CSMD1: variants seen among roughly 807,000 people sequenced by gnomAD.
The protein encoded by CSMD1 is CUB and Sushi multiple domains 1, also known as CUB and sushi domain-containing protein 1.
CSMD1 carries 213 observed loss-of-function variants against 417.5 expected under a neutral mutation model. That is an observed-to-expected ratio of 0.51 (90% CI 0.46 to 0.57). The LOEUF (loss-of-function observed/expected upper bound fraction) is 0.57, where lower values mean the gene tolerates loss of function less well. Among genes scored for constraint, CSMD1 ranks in the 20% least tolerant of loss-of-function variants. CSMD1 has a pLI of 0.00. For synonymous variants in CSMD1, 2,862 were observed against 1,736.8 expected, an observed-to-expected ratio of 1.65 and a Z score of -16.11; for missense variants, 6,923 against 4,529.7, an observed-to-expected ratio of 1.53 and a Z score of -15.17.
intron 7 of CSMD1, among the ~76,000 whole-genome samples, chr8:3,624,443 A>G (rs927373917): frequency 6.6e-6 from 1 of 152,250 alleles, no homozygotes; most frequent in African/African-American, 2.4e-5. Flanking sequence ...CCATTTAGAT[A>G]AACTCACACT....
At chr8:3,553,657 T>G (rs1394981093) in intron 10 of CSMD1, among the ~76,000 whole-genome samples, 1 of 152,188 alleles carries the variant, frequency 6.6e-6, no homozygotes, top group Non-Finnish European at 1.5e-5. Flanking sequence ...AACTTGACTC[T>G]TTGTTAACTT....
chr8:4,422,751 G>C (rs1191200001), intron 2 of CSMD1, among the ~76,000 whole-genome samples: 2 of 152,026 alleles, frequency 1.3e-5, no homozygotes, highest in African/African-American at 4.8e-5. Flanking sequence ...ATAAAATAAT[G>C]TCTCTCATGC....
chr8:4,098,371 T>A (rs994729309), intron 3 of CSMD1, among the ~76,000 whole-genome samples: 1 of 151,636 alleles, frequency 6.6e-6, no homozygotes, highest in Non-Finnish European at 1.5e-5. Flanking sequence ...CTATTTTTTT[T>A]CTACAAAATT....
Position 3,052,743 on chromosome 8 carries a change from T to C in CSMD1, c.7475-96A>G, listed in dbSNP as rs1055323096. 5 of 832,886 alleles carry C rather than the reference T, an allele frequency of 6.0e-6. No individual in the cohort carries two copies. In the African/African-American group the frequency reaches 7.2e-5, roughly 12 times the overall value. The allele number at this position is 832,886 out of a possible 1,614,324, so 51.6% of individuals were successfully genotyped here. ...TGATTAATCATTATTATTGACTCCA[T>C]TTTTCATTAAAATTGTGAATTATAT... On this transcript the variant is annotated intron_variant, in intron 49 of 69. Transcript: ENST00000635120.
intron 8 of CSMD1, among the ~76,000 whole-genome samples, chr8:3,613,453 G>C (rs750125784): frequency 6.6e-6 from 1 of 151,628 alleles, no homozygotes; most frequent in Non-Finnish European, 1.5e-5. Context: ...GTCTTTATAA[G>C]AAAAGTCTAC....
At chr8:3,970,320 A>T (rs1420035017) in intron 5 of CSMD1, among the ~76,000 whole-genome samples, 1 of 152,196 alleles carries the variant, frequency 6.6e-6, no homozygotes, top group Non-Finnish European at 1.5e-5. Context: ...GGTGATCAAC[A>T]CAGAGAATCC....
intron 2 of CSMD1, among the ~76,000 whole-genome samples, chr8:4,637,116 T>C (rs1802865501): frequency 6.6e-6 from 1 of 152,168 alleles, no homozygotes; most frequent in Admixed American, 6.5e-5. Context: ...TATTCGCTCT[T>C]AGCAATAAAC....
chr8:4,413,355 C>T (rs184219800), intron 3 of CSMD1, among the ~76,000 whole-genome samples: 1 of 152,226 alleles, frequency 6.6e-6, no homozygotes, highest in African/African-American at 2.4e-5. Context: ...ATCATTCATT[C>T]TTTTATCCGA....
chr8:4,333,088 G>C (rs957449588), intron 3 of CSMD1, among the ~76,000 whole-genome samples: 1 of 152,012 alleles, frequency 6.6e-6, no homozygotes, highest in Non-Finnish European at 1.5e-5. Flanking sequence ...CTTTTTTCAG[G>C]ATGGAATTGT....
At chr8:3,885,777 A>G (rs1806521927) in intron 5 of CSMD1, among the ~76,000 whole-genome samples, 1 of 152,208 alleles carries the variant, frequency 6.6e-6, no homozygotes. Flanking sequence ...AAGTTTATTT[A>G]TGACAGAAAG....
At chr8:4,154,739 G>GT (rs1403950584) in intron 3 of CSMD1, among the ~76,000 whole-genome samples, 1 of 152,184 alleles carries the variant, frequency 6.6e-6, no homozygotes, top group Non-Finnish European at 1.5e-5. Flanking sequence ...CCTTATGCAA[G>GT]TAAGGCTAAT....
rs528835249 is a variant in CSMD1 at position 4,887,666 on chromosome 8, A to T, written c.85+106666T>A. ...TAATTCTACTGGTTTTGCTTTATTT[A>T]TATTTGCTTTATTTATTTATTTATT... On this transcript the variant is annotated intron_variant, in intron 1 of 69. Transcript: ENST00000635120. Among the ~76,000 whole-genome samples the T allele has an allele frequency of 6.6e-5, 10 of 151,688 alleles. No individual in the cohort carries two copies. In the East Asian group the frequency reaches 1.5e-3, roughly 23 times the overall value.
chr8:3,807,866 A>G (rs1240499449), intron 5 of CSMD1, among the ~76,000 whole-genome samples: 1 of 152,160 alleles, frequency 6.6e-6, no homozygotes, highest in South Asian at 2.1e-4. Context: ...CCTTGGGGTA[A>G]TGCTAAGTAC....
Position 3,110,241 on chromosome 8 carries a change from G to A in CSMD1, c.6525C>T (p.Leu2175=). Residue 2175 remains leucine, a synonymous_variant, in exon 43 of 70, where the codon CTC becomes CTT. Transcript: ENST00000635120. ...CTCCGTGCCCTGGAGGCACCGTGAT[G>A]AGCCAAATGCAGTCCTTCAGGATCG... ...EYPILKDCIW[L]ITVPPGHGVY... 6.2e-7 allele frequency: 1 copy of A among 1,613,380 alleles called. No homozygotes were observed.
chr8:3,524,079 G>A (rs1460854161), intron 10 of CSMD1, among the ~76,000 whole-genome samples: 1 of 128,914 alleles, frequency 7.8e-6, no homozygotes, highest in East Asian at 2.4e-4. Context: ...ACTTACACAT[G>A]CACACACGCA....
At chr8:4,613,869 A>AAC (rs1467567506) in intron 2 of CSMD1, among the ~76,000 whole-genome samples, 1 of 151,612 alleles carries the variant, frequency 6.6e-6, no homozygotes, top group Non-Finnish European at 1.5e-5. Context: ...CCAAAAAAAA[A>AAC]AAAAAAAGAA....
At chr8:4,867,189 T>C (rs757457513) in intron 1 of CSMD1, among the ~76,000 whole-genome samples, 11 of 152,018 alleles carry the variant, frequency 7.2e-5, no homozygotes, top group Non-Finnish European at 8.8e-5. Context: ...AACTAAAAAA[T>C]GGTGCATCGT....
At chr8:4,937,202 G>A (rs1458363667) in intron 1 of CSMD1, among the ~76,000 whole-genome samples, 1 of 151,176 alleles carries the variant, frequency 6.6e-6, no homozygotes, top group African/African-American at 2.4e-5. Flanking sequence ...AACAGAGCCA[G>A]GCCCTGTCTC....
chr8:3,981,108 G>T (rs1003567816), intron 5 of CSMD1, among the ~76,000 whole-genome samples: 2 of 152,200 alleles, frequency 1.3e-5, no homozygotes, highest in Non-Finnish European at 2.9e-5. Flanking sequence ...CATAATGCAT[G>T]CTGAAATGTC....
Sources: allele counts gnomAD v4.1 joint callset (sites outside exome capture counted in the v4.1 genomes callset), GRCh38; gene constraint gnomAD v4.1.1; transcripts MANE v1.5; gene names NCBI Gene and HGNC (gene_info 2026-07-23, HGNC 2026-07-21).